AK7: variants seen among roughly 807,000 people sequenced by gnomAD.
The protein encoded by AK7 is ATP-AMP transphosphorylase 7.
In AK7, 78 loss-of-function variants were observed where a neutral mutation model predicts 96.6. The observed-to-expected ratio is 0.81, with a 90% CI of 0.67 to 0.97. AK7 has a LOEUF of 0.97. AK7 is among the 50% of genes least tolerant of loss of function. The pLI is 0.00. For missense variants in AK7, 855 were observed against 887.9 expected (o/e 0.96, Z 0.47); for synonymous variants, 302 against 317.2 (o/e 0.95, Z 0.51).
chr14:96,400,195 C>T (rs1416574733), intron 2 of AK7, among the ~76,000 whole-genome samples: 1 of 151,968 alleles, frequency 6.6e-6, no homozygotes, highest in Non-Finnish European at 1.5e-5. Context: ...CGTGCCACCA[C>T]ACCCAGCTAA....
At chr14:96,475,298 G>A (rs931335042) in intron 14 of AK7, among the ~76,000 whole-genome samples, 2 of 152,208 alleles carry the variant, frequency 1.3e-5, no homozygotes, top group East Asian at 3.8e-4. Flanking sequence ...CAATGCCATT[G>A]AAATAATTTA....
intron 12 of AK7, among the ~76,000 whole-genome samples, chr14:96,460,492 T>A (rs1894194396): frequency 6.6e-6 from 1 of 152,180 alleles, no homozygotes; most frequent in Non-Finnish European, 1.5e-5. Context: ...ACAGACGGCA[T>A]GCTTGCTGCT....
intron 10 of AK7, among the ~76,000 whole-genome samples, chr14:96,455,790 C>T (rs1441446300): frequency 6.6e-6 from 1 of 152,152 alleles, no homozygotes. Context: ...AATGAATGGA[C>T]ATGAACCAGA....
Position 96,442,720 on chromosome 14 carries a change from T to C in AK7, c.691-10T>C. The C allele has an allele frequency of 6.2e-7, 1 of 1,613,420 alleles. No homozygotes were observed. The highest frequency in any genetic ancestry group is 1.1e-5 in the South Asian group (1 of 91,076). ...ACTGGGGGACATGATTTTGCTTTTC[T>C]TCCTTTCAGATGGCTTGGTTGGGCG... On this transcript the variant is annotated splice_polypyrimidine_tract_variant and intron_variant, in intron 6 of 17. Transcript: ENST00000267584.
rs541094659 is a variant in AK7, at chr14:96,480,173, T to C, written c.1753+1511T>C. 4.0e-3 allele frequency among the ~76,000 whole-genome samples: 615 copies of C among 152,322 alleles called. 6 individuals carry two copies. The highest frequency in any genetic ancestry group is 0.014 in the African/African-American group (596 of 41,570). On this transcript the variant is annotated intron_variant, in intron 15 of 17. Coordinates refer to ENST00000267584, the MANE Select transcript of AK7 (RefSeq NM_152327.5). ...ATGACTGGGTGCAGTGCCTCACGCCTGTAATCCCTACACATTGGAAGACCA... is the reference window on the plus strand; with the variant it reads ...ATGACTGGGTGCAGTGCCTCACGCCCGTAATCCCTACACATTGGAAGACCA...
In AK7 at chr14:96,392,208, G is replaced by A. The variant is rs775049122; in HGVS notation, c.54G>A (p.Gln18=). 6 of 1,613,846 alleles carry A rather than the reference G, an allele frequency of 3.7e-6. No homozygotes were observed. The highest frequency in any genetic ancestry group is 4.2e-6 in the Non-Finnish European group (5 of 1,179,746). Residue 18 remains glutamine, a synonymous_variant, in exon 1 of 18, where the codon CAG becomes CAA. Transcript: ENST00000267584. ...TCACGGAGAAGGTTATCCGGACCCA[G>A]AGGGTGTTTATAAACCTGTTGGATT... ...AALTEKVIRT[Q]RVFINLLDSY...
intron 12 of AK7, among the ~76,000 whole-genome samples, chr14:96,459,392 G>A (rs530210470): frequency 6.6e-6 from 1 of 152,142 alleles, no homozygotes; most frequent in South Asian, 2.1e-4. Flanking sequence ...GAACCCAGGA[G>A]GCAGAGGTTG....
At chr14:96,439,072 ATAAT>A (rs2140086041) in intron 6 of AK7, among the ~76,000 whole-genome samples, 1 of 152,274 alleles carries the variant, frequency 6.6e-6, no homozygotes, top group East Asian at 1.9e-4. Context: ...GAAGTTTGAG[ATAAT>A]TAATATCCAA....
At chr14:96,420,584 C>G (rs904555763) in intron 4 of AK7, among the ~76,000 whole-genome samples, 1 of 150,754 alleles carries the variant, frequency 6.6e-6, no homozygotes, top group Non-Finnish European at 1.5e-5. Flanking sequence ...TATGGCCAGA[C>G]TCGGTGGTTC....
At chr14:96,448,126 C>CA (rs557075450) in intron 8 of AK7, among the ~76,000 whole-genome samples, 3,065 of 81,778 alleles carry the variant, frequency 0.037, 41 homozygotes, top group Non-Finnish European at 0.05. Flanking sequence ...GAGACCCTGT[C>CA]AAAAAAAAAA....
intron 1 of AK7, among the ~76,000 whole-genome samples, chr14:96,396,146 A>G (rs1317230674): frequency 2.0e-5 from 3 of 152,112 alleles, no homozygotes; most frequent in African/African-American, 7.2e-5. Flanking sequence ...TTTTCTAGCA[A>G]TCCTCCTGCC....
At chr14:96,435,686 C>T (rs559193881) in intron 5 of AK7, among the ~76,000 whole-genome samples, 97 of 152,186 alleles carry the variant, frequency 6.4e-4, no homozygotes, top group African/African-American at 2.0e-3. Context: ...CCCTCGGTGG[C>T]GAGGTTTGGA....
In AK7 at chr14:96,487,014, T is replaced by A. The variant is rs772682094; in HGVS notation, c.2091T>A (p.Asn697Lys). 3.5e-5 allele frequency: 57 copies of A among 1,614,024 alleles called. No homozygotes were observed. Among genetic ancestry groups the A allele is most frequent in the Non-Finnish European group, 4.8e-5 (57 of 1,180,032 alleles). The change falls in exon 17 of 18, where the codon AAT (asparagine) becomes AAA (lysine). Residue 697 changes from asparagine to lysine, a missense_variant. By Grantham distance (94) the Asn-to-Lys change is moderately conservative. Transcript: ENST00000267584. ...TGCCAACTCTTATTCAGGGCCTGAATGAATGTTGCAACGTCCGACCCGAAG... is the reference window on the plus strand; with the variant it reads ...TGCCAACTCTTATTCAGGGCCTGAAAGAATGTTGCAACGTCCGACCCGAAG... ...YVMPTLIQGL[N>K]ECCNVRPEDP... is the part of the protein sequence containing the mutation.
intron 9 of AK7, 133 bp from the exon 10 acceptor site, chr14:96,451,288 T>C (rs1194131151): frequency 1.4e-6 from 1 of 715,408 alleles, no homozygotes; most frequent in East Asian, 3.0e-5. Context: ...AAATACTCAG[T>C]GCTGGATTAA....
chr14:96,445,681 A>G (rs1893195120), intron 7 of AK7, among the ~76,000 whole-genome samples: 1 of 152,192 alleles, frequency 6.6e-6, no homozygotes, highest in South Asian at 2.1e-4. Flanking sequence ...GAGTGAATAA[A>G]TAAATAAATA....
intron 4 of AK7, among the ~76,000 whole-genome samples, chr14:96,411,774 C>T (rs1891043992): frequency 6.6e-6 from 1 of 152,140 alleles, no homozygotes; most frequent in African/African-American, 2.4e-5. Flanking sequence ...GGGGGCGTGG[C>T]AGAAGATGTG....
intron 4 of AK7, among the ~76,000 whole-genome samples, chr14:96,415,091 C>T (rs1456660361): frequency 6.6e-6 from 1 of 151,628 alleles, no homozygotes; most frequent in African/African-American, 2.4e-5. Context: ...AAAAGAGGAG[C>T]AGAAGAAATT....
In AK7 at chr14:96,472,759, A is replaced by G. The variant is rs371720213; in HGVS notation, c.1555+4A>G. The G allele has an allele frequency of 2.5e-6, 4 of 1,606,566 alleles. No homozygotes were observed. The African/African-American group carries it at 5.4e-5, about 21-fold the overall frequency. ...TTTGATAAATTAATTATACCTGGTA[A>G]GTTTATTTCCCTAAGATCACATTTA... On this transcript the variant is annotated splice_donor_region_variant and intron_variant, in intron 14 of 17. Coordinates refer to ENST00000267584, the MANE Select transcript of AK7 (RefSeq NM_152327.5).
chr14:96,393,813 G>A (rs1433622271), intron 1 of AK7, among the ~76,000 whole-genome samples: 1 of 144,248 alleles, frequency 6.9e-6, no homozygotes, highest in Non-Finnish European at 1.6e-5. Context: ...CATCTAAAAT[G>A]CATCCATCAA....
Sources: allele counts gnomAD v4.1 joint callset (sites outside exome capture counted in the v4.1 genomes callset), GRCh38; gene constraint gnomAD v4.1.1; transcripts MANE v1.5; gene names NCBI Gene and HGNC (gene_info 2026-07-23, HGNC 2026-07-21).